ODF2L: variants seen among roughly 807,000 people sequenced by gnomAD.
The protein encoded by ODF2L is protein BCAP.
Under a neutral mutation model 86.3 loss-of-function variants are expected in ODF2L, and 76 were observed. The observed-to-expected ratio is 0.88, with a 90% CI of 0.73 to 1.07. The LOEUF (loss-of-function observed/expected upper bound fraction) is 1.07, where lower values mean the gene tolerates loss of function less well. ODF2L is among the 50% of genes least tolerant of loss of function. The probability of loss-of-function intolerance (pLI) is 0.00; values close to 1 mark genes in which losing one functional copy is unlikely to be tolerated. For missense variants in ODF2L, 748 were observed against 717.4 expected (o/e 1.04, Z -0.49); for synonymous variants, 241 against 231.3 (o/e 1.04, Z -0.38).
In ODF2L at chr1:86,382,228, TA is replaced by T; in HGVS notation, c.624+13del. ...CACTTAAGCTATAAAAATGGATATA[TA>T]TTTATATATAACCTTTACATATTCT... On this transcript the variant is annotated intron_variant, in intron 7 of 17. Transcript: ENST00000317336. 4.4e-6 allele frequency: 7 copies of T among 1,573,278 alleles called. No individual in the cohort carries two copies. The highest frequency in any genetic ancestry group is 6.0e-6 in the Non-Finnish European group (7 of 1,164,314).
Position 86,353,413 on chromosome 1 carries a change from T to C in ODF2L, c.1768-429A>G, listed in dbSNP as rs1658297083. 2.0e-5 allele frequency among the ~76,000 whole-genome samples: 3 copies of C among 152,272 alleles called. No homozygotes were observed. In the South Asian group the frequency reaches 6.2e-4, roughly 32 times the overall value. On this transcript the variant is annotated intron_variant, in intron 16 of 17. Transcript: ENST00000317336. Reference sequence around the variant, plus strand: ...AGCAGGAATTGGTATACACACTTCCTACAAACACACACACACAAACACAGA... The same window carrying C: ...AGCAGGAATTGGTATACACACTTCCCACAAACACACACACACAAACACAGA...
intron 6 of ODF2L, among the ~76,000 whole-genome samples, chr1:86,382,630 T>C (rs1006656502): frequency 6.6e-6 from 1 of 151,948 alleles, no homozygotes; most frequent in Non-Finnish European, 1.5e-5. Context: ...CCTAAAATGC[T>C]CCTACAAACA....
chr1:86,385,669 A>G, intron 2 of ODF2L, 79 bp from the exon 3 acceptor site: 1 of 1,066,456 alleles, frequency 9.4e-7, no homozygotes, highest in Non-Finnish European at 1.4e-6. Context: ...CATATCACCT[A>G]TACAGTACTC....
At chr1:86,354,680 C>A (rs1313555416) in exon 16 of ODF2L, 2 of 1,608,690 alleles carry the variant, frequency 1.2e-6, no homozygotes, top group Non-Finnish European at 1.7e-6. Flanking sequence ...CTGCGTCCAT[C>A]TGTTCTAATT....
chr1:86,355,166 T>G (rs1226653293), intron 14 of ODF2L: 1 of 542,010 alleles, frequency 1.8e-6, no homozygotes, highest in African/African-American at 1.9e-5. Context: ...TAAGTTGAAA[T>G]AGGAAAATTT....
intron 14 of ODF2L, chr1:86,355,964 G>A: frequency 4.6e-6 from 1 of 216,926 alleles, no homozygotes; most frequent in Non-Finnish European, 9.3e-6. Flanking sequence ...ATTGAGCTAG[G>A]AGAAGGCTAT....
chr1:86,368,742 A>G, intron 10 of ODF2L: 1 of 1,371,116 alleles, frequency 7.3e-7, no homozygotes, highest in Non-Finnish European at 9.6e-7. Context: ...ATACAACAAA[A>G]AGTTTATGTA....
intron 7 of ODF2L, among the ~76,000 whole-genome samples, chr1:86,379,650 ATTTT>A (rs995885407): frequency 1.3e-5 from 2 of 152,178 alleles, no homozygotes; most frequent in East Asian, 1.9e-4. Context: ...AGATAAACAG[ATTTT>A]TTTACCAAAT....
chr1:86,352,470 CAA>C (rs1658207693), intron 17 of ODF2L, among the ~76,000 whole-genome samples: 1 of 151,996 alleles, frequency 6.6e-6, no homozygotes, highest in African/African-American at 2.4e-5. Flanking sequence ...CTTTCTAAAA[CAA>C]AATATTCATT....
chr1:86,360,293 T>C (rs1391179122), intron 12 of ODF2L, 133 bp downstream of exon 11: 2 of 540,250 alleles, frequency 3.7e-6, no homozygotes, highest in South Asian at 2.8e-5. Context: ...TAAGAAATAT[T>C]TGAGACACAC....
chr1:86,382,551 A>G (rs1365682977), intron 6 of ODF2L, among the ~76,000 whole-genome samples, 193 bp from the exon 7 acceptor site: 1 of 151,936 alleles, frequency 6.6e-6, no homozygotes, highest in African/African-American at 2.4e-5. Flanking sequence ...TTATCCCCCA[A>G]CATTTTTTAT....
At chr1:86,369,971 T>A (rs1041882455) in intron 10 of ODF2L, among the ~76,000 whole-genome samples, 2 of 152,204 alleles carry the variant, frequency 1.3e-5, no homozygotes, top group African/African-American at 4.8e-5. Context: ...TGATGATTTT[T>A]AAATTGTGTA....
chr1:86,395,139 G>A (rs992317797), intron 1 of ODF2L, among the ~76,000 whole-genome samples: 41 of 152,144 alleles, frequency 2.7e-4, no homozygotes, highest in Admixed American at 1.2e-3. Context: ...CACCGCGCCC[G>A]GCCCGGTTTG....
intron 16 of ODF2L, 135 bp from the exon 16 acceptor site, chr1:86,353,119 T>C: frequency 1.6e-6 from 1 of 618,168 alleles, no homozygotes; most frequent in South Asian, 2.0e-5. Flanking sequence ...ATGTTCTATC[T>C]TGAAGAAGCA....
intron 4 of ODF2L, 108 bp downstream of exon 4, chr1:86,384,567 GC>G (rs1440621517): frequency 5.8e-6 from 4 of 690,454 alleles, no homozygotes; most frequent in African/African-American, 5.6e-5. Context: ...AAAATTCAAA[GC>G]ATTATTTCCA....
intron 9 of ODF2L, among the ~76,000 whole-genome samples, chr1:86,372,047 G>A (rs1054100973): frequency 6.6e-6 from 1 of 151,912 alleles, no homozygotes; most frequent in African/African-American, 2.4e-5. Flanking sequence ...AAAACAGCTG[G>A]GCTTGGTGGT....
At chr1:86,394,864 A>G (rs1661607634) in intron 1 of ODF2L, among the ~76,000 whole-genome samples, 1 of 138,750 alleles carries the variant, frequency 7.2e-6, no homozygotes, top group Admixed American at 7.4e-5. Context: ...TTTTTGAGAC[A>G]GAGTCTCGCG....
chr1:86,383,171 A>G, exon 5 of ODF2L: 1 of 1,578,348 alleles, frequency 6.3e-7, no homozygotes, highest in Non-Finnish European at 8.6e-7. Flanking sequence ...ATTTTCTAGC[A>G]ACATGCTGGA....
At chr1:86,368,608 A>T in intron 11 of ODF2L, 1 of 1,368,976 alleles carries the variant, frequency 7.3e-7, no homozygotes, top group South Asian at 1.9e-5. Flanking sequence ...GGTATAGAGA[A>T]CTAATGGCAG....
Sources: allele counts gnomAD v4.1 joint callset (sites outside exome capture counted in the v4.1 genomes callset), GRCh38; gene constraint gnomAD v4.1.1; transcripts MANE v1.5; gene names NCBI Gene and HGNC (gene_info 2026-07-23, HGNC 2026-07-21).